The following SLAMF6 variants were observed in gnomAD, a reference collection of about 807,000 sequenced individuals.
The protein encoded by SLAMF6 is SLAM family member 6.
A neutral mutation model predicts 38.3 loss-of-function variants in SLAMF6; 21 were observed. The observed-to-expected ratio is 0.55, with a 90% CI of 0.39 to 0.79. The LOEUF (loss-of-function observed/expected upper bound fraction) is 0.79, where lower values mean the gene tolerates loss of function less well. SLAMF6 is among the 30% of genes least tolerant of loss of function. SLAMF6 has a pLI of 0.00. For missense variants in SLAMF6, 341 were observed against 385.3 expected (o/e 0.89, Z 0.96); for synonymous variants, 152 against 146.3 (o/e 1.04, Z -0.28).
In SLAMF6 at chr1:160,496,122, G is replaced by A. The variant is rs149324106; in HGVS notation, c.321C>T (p.Tyr107=). 76 of 1,613,978 alleles carry A rather than the reference G, an allele frequency of 4.7e-5. No homozygotes were observed. In the African/African-American group the frequency reaches 8.3e-4, roughly 18 times the overall value. The change falls in exon 2 of 8, where the codon TAC becomes TAT. Residue 107 remains tyrosine, a synonymous_variant. Coordinates refer to ENST00000368057, the MANE Select transcript of SLAMF6 (RefSeq NM_001184714.2). The stretch of plus-strand genomic sequence containing the variant: ...AGGTCTTTGTGGATATCTGGGCTCT[G>A]TAAGAGCCTGTGTCTTCCATCTTCA... ...SNLKMEDTGS[Y]RAQISTKTSA... is the part of the protein sequence containing the mutation.
At chr1:160,493,324 A>C (rs1653404894) in intron 2 of SLAMF6, among the ~76,000 whole-genome samples, 1 of 152,094 alleles carries the variant, frequency 6.6e-6, no homozygotes, top group African/African-American at 2.4e-5. Context: ...TCTTGGCTCA[A>C]ATGTCATCTT....
intron 2 of SLAMF6, among the ~76,000 whole-genome samples, chr1:160,493,479 T>C (rs987280059): frequency 1.3e-5 from 2 of 152,230 alleles, no homozygotes; most frequent in African/African-American, 4.8e-5. Context: ...TTATATGTTA[T>C]GTGAATTGCT....
intron 1 of SLAMF6, among the ~76,000 whole-genome samples, chr1:160,515,730 C>G (rs1365869105): frequency 1.3e-5 from 2 of 152,124 alleles, no homozygotes; most frequent in African/African-American, 2.4e-5. Flanking sequence ...TAATTCATCT[C>G]ATAAACAGAT....
Position 160,519,384 on chromosome 1 carries a change from C to A in SLAMF6, c.49+3760G>T, listed in dbSNP as rs74984559. 6.4e-3 allele frequency among the ~76,000 whole-genome samples: 969 copies of A among 152,212 alleles called. 11 individuals carry two copies. Among genetic ancestry groups the A allele is most frequent in the African/African-American group, 0.022 (908 of 41,508 alleles). On this transcript the variant is annotated intron_variant, in intron 1 of 7. Transcript: ENST00000368057. ...CTAGTGGAAATGTAAAATGGTACAG[C>A]CATTGTGGAAAACAGTTTGGCAATT...
At chr1:160,496,956 A>C (rs949160053) in intron 1 of SLAMF6, among the ~76,000 whole-genome samples, 2 of 152,136 alleles carry the variant, frequency 1.3e-5, no homozygotes, top group African/African-American at 4.8e-5. Context: ...GATGGATATT[A>C]TTACTTCCAT....
intron 1 of SLAMF6, among the ~76,000 whole-genome samples, chr1:160,512,190 G>A (rs1418265723): frequency 2.6e-5 from 4 of 152,184 alleles, no homozygotes; most frequent in Non-Finnish European, 5.9e-5. Flanking sequence ...AGGGACTGGT[G>A]GTTTGGAACC....
chr1:160,497,608 G>A (rs1237817583), intron 1 of SLAMF6, among the ~76,000 whole-genome samples: 5 of 152,156 alleles, frequency 3.3e-5, no homozygotes, highest in Non-Finnish European at 5.9e-5. Flanking sequence ...CTAATAGGTA[G>A]TTATTCAACC....
At chr1:160,510,406 T>G (rs1654412281) in intron 1 of SLAMF6, among the ~76,000 whole-genome samples, 1 of 152,154 alleles carries the variant, frequency 6.6e-6, no homozygotes, top group Non-Finnish European at 1.5e-5. Flanking sequence ...CCAAGTAGAA[T>G]TTATCTCAGC....
chr1:160,518,648 A>G (rs1431274450), intron 1 of SLAMF6, among the ~76,000 whole-genome samples: 1 of 152,154 alleles, frequency 6.6e-6, no homozygotes, highest in Non-Finnish European at 1.5e-5. Context: ...AGAAGCCATT[A>G]TTCTCAGCAA....
At chr1:160,495,919 T>A in intron 2 of SLAMF6, 142 bp downstream of exon 2, 2 of 731,496 alleles carry the variant, frequency 2.7e-6, no homozygotes, top group Non-Finnish European at 4.5e-6. Context: ...CTTTGCAGTG[T>A]CATTGTGTTG....
intron 5 of SLAMF6, 147 bp downstream of exon 5, chr1:160,490,051 A>G (rs1653197128): frequency 1.1e-6 from 1 of 904,734 alleles, no homozygotes. Context: ...ATGATTACAG[A>G]TCATCTCCCC....
chr1:160,499,701 T>C (rs542757487), intron 1 of SLAMF6, among the ~76,000 whole-genome samples: 1 of 152,186 alleles, frequency 6.6e-6, no homozygotes, highest in Non-Finnish European at 1.5e-5. Context: ...GCATGGAAAG[T>C]TGTCATTTCT....
intron 1 of SLAMF6, among the ~76,000 whole-genome samples, chr1:160,517,000 A>G (rs1445495119): frequency 6.6e-6 from 1 of 152,212 alleles, no homozygotes; most frequent in Non-Finnish European, 1.5e-5. Context: ...AAAAGCAAAA[A>G]TTGACAAATG....
At chr1:160,502,602 G>T (rs112992759) in intron 1 of SLAMF6, among the ~76,000 whole-genome samples, 1,888 of 152,288 alleles carry the variant, frequency 0.012, 15 homozygotes, top group Middle Eastern at 0.031. Context: ...GGGTTAGTTT[G>T]GAAGGTATTA....
chr1:160,502,379 T>C (rs1653950677), intron 1 of SLAMF6, among the ~76,000 whole-genome samples: 1 of 152,094 alleles, frequency 6.6e-6, no homozygotes, highest in Non-Finnish European at 1.5e-5. Context: ...GATGCTGAGG[T>C]CTTGCCCATC....
At chr1:160,499,337 TTTG>T (rs1255333012) in intron 1 of SLAMF6, among the ~76,000 whole-genome samples, 4 of 152,204 alleles carry the variant, frequency 2.6e-5, no homozygotes, top group Non-Finnish European at 5.9e-5. Context: ...ATTGCTCGCT[TTTG>T]TTGGCCTTGT....
chr1:160,512,242 C>T (rs550829964), intron 1 of SLAMF6, among the ~76,000 whole-genome samples: 2 of 152,312 alleles, frequency 1.3e-5, no homozygotes, highest in African/African-American at 4.8e-5. Flanking sequence ...CTGTGGCAGA[C>T]TGTGGCCAGA....
chr1:160,486,939 C>A (rs990329498), intron 7 of SLAMF6, among the ~76,000 whole-genome samples, 165 bp downstream of exon 7: 18 of 152,132 alleles, frequency 1.2e-4, no homozygotes, highest in Non-Finnish European at 2.1e-4. Context: ...GATCCTAATA[C>A]AAAATAACTT....
intron 1 of SLAMF6, among the ~76,000 whole-genome samples, chr1:160,512,083 C>G (rs1468478688): frequency 6.6e-6 from 1 of 152,218 alleles, no homozygotes. Context: ...TCAGCTGCCA[C>G]TTGGCTGGAG....
Sources: allele counts gnomAD v4.1 joint callset (sites outside exome capture counted in the v4.1 genomes callset), GRCh38; gene constraint gnomAD v4.1.1; transcripts MANE v1.5; gene names NCBI Gene and HGNC (gene_info 2026-07-23, HGNC 2026-07-21).